BMAL1: variants seen among roughly 807,000 people sequenced by gnomAD.
BMAL1 encodes basic helix-loop-helix ARNT-like protein 1.
chr11:13,346,147 C>T, the BMAL1 span, among the ~76,000 whole-genome samples: 1 of 152,240 alleles, frequency 6.6e-6, no homozygotes, highest in Admixed American at 6.5e-5. Context: ...AGGAAATTGA[C>T]AGTCATGGGC....
At chr11:13,336,764 C>T in the BMAL1 span, among the ~76,000 whole-genome samples, 3 of 152,188 alleles carry the variant, frequency 2.0e-5, no homozygotes, top group Non-Finnish European at 2.9e-5. Context: ...AAGGCAAACA[C>T]GAACTGTGAA....
At chr11:13,318,464 T>C in the BMAL1 span, among the ~76,000 whole-genome samples, 1 of 151,812 alleles carries the variant, frequency 6.6e-6, no homozygotes, top group South Asian at 2.1e-4. Flanking sequence ...TAGCTGCTAT[T>C]GAAGGGGGGT....
the BMAL1 span, among the ~76,000 whole-genome samples, chr11:13,346,201 G>T: frequency 6.6e-6 from 1 of 152,338 alleles, no homozygotes; most frequent in South Asian, 2.1e-4. Context: ...GAAAGTTGTG[G>T]CTGTCACTTC....
chr11:13,366,604 G>A, the BMAL1 span: 1 of 1,420,126 alleles, frequency 7.0e-7, no homozygotes, highest in Non-Finnish European at 9.9e-7. Context: ...ATGCTTACTT[G>A]TTGCATAATT....
At chr11:13,330,554 CCATT>C in the BMAL1 span, among the ~76,000 whole-genome samples, 1 of 152,230 alleles carries the variant, frequency 6.6e-6, no homozygotes, top group African/African-American at 2.4e-5. Context: ...AATCAACCAT[CCATT>C]CAATCTGTGA....
the BMAL1 span, among the ~76,000 whole-genome samples, chr11:13,334,339 C>G: frequency 6.6e-6 from 1 of 152,182 alleles, no homozygotes; most frequent in Non-Finnish European, 1.5e-5. Context: ...TGCAAGAAAT[C>G]ATTAGACAGG....
chr11:13,296,516 G>C, the BMAL1 span, among the ~76,000 whole-genome samples: 1 of 152,324 alleles, frequency 6.6e-6, no homozygotes, highest in Non-Finnish European at 1.5e-5. Flanking sequence ...TCTTGGGAAA[G>C]GGGAGCTTAT....
chr11:13,365,676 A>G, the BMAL1 span: 1 of 1,104,966 alleles, frequency 9.1e-7, no homozygotes. Context: ...ATTATAGTAT[A>G]CAAGTCACAT....
the BMAL1 span, chr11:13,369,841 C>T: frequency 1.5e-5 from 23 of 1,547,386 alleles, no homozygotes; most frequent in East Asian, 9.1e-5. Context: ...CTCAGCTGGG[C>T]GTTGGTTCCA....
the BMAL1 span, among the ~76,000 whole-genome samples, chr11:13,278,947 A>G: frequency 2.6e-5 from 4 of 152,162 alleles, no homozygotes; most frequent in African/African-American, 7.2e-5. Context: ...AGGGGTCGCG[A>G]GAGCCGGCAG....
the BMAL1 span, among the ~76,000 whole-genome samples, chr11:13,289,781 A>G: frequency 3.9e-5 from 6 of 152,218 alleles, no homozygotes; most frequent in Admixed American, 3.3e-4. Flanking sequence ...CCAGTCTGTC[A>G]TTGATGGACA....
At chr11:13,329,645 C>G in the BMAL1 span, among the ~76,000 whole-genome samples, 1 of 152,248 alleles carries the variant, frequency 6.6e-6, no homozygotes, top group Non-Finnish European at 1.5e-5. Context: ...TGATTCTCTG[C>G]ATGCAGTTCT....
the BMAL1 span, among the ~76,000 whole-genome samples, chr11:13,384,927 T>C: frequency 6.6e-6 from 1 of 152,178 alleles, no homozygotes; most frequent in Admixed American, 6.5e-5. Context: ...CAATGATTTT[T>C]TTAAGAGTGT....
the BMAL1 span, among the ~76,000 whole-genome samples, chr11:13,359,820 A>G: frequency 6.6e-6 from 1 of 152,202 alleles, no homozygotes; most frequent in Admixed American, 6.5e-5. Context: ...GAAGCAATGC[A>G]TTCCTCCACA....
the BMAL1 span, among the ~76,000 whole-genome samples, chr11:13,326,876 G>A: frequency 6.6e-6 from 1 of 151,952 alleles, no homozygotes; most frequent in Non-Finnish European, 1.5e-5. Context: ...CTGGAGTGCA[G>A]TGGTGCGATC....
At chr11:13,365,000 T>G in the BMAL1 span, among the ~76,000 whole-genome samples, 2 of 152,062 alleles carry the variant, frequency 1.3e-5, no homozygotes, top group African/African-American at 4.8e-5. Flanking sequence ...CAAAAAACAC[T>G]GCTCCGAATG....
At chr11:13,284,262 ATATAT>A in the BMAL1 span, among the ~76,000 whole-genome samples, 386 of 64,456 alleles carry the variant, frequency 6.0e-3, 47 homozygotes, top group African/African-American at 0.042. Context: ...ATATATATAT[ATATAT>A]TTTTTTTTTT....
At chr11:13,386,870 A>G in the BMAL1 span, 3 of 1,280,652 alleles carry the variant, frequency 2.3e-6, no homozygotes, top group Non-Finnish European at 3.2e-6. Flanking sequence ...TACTGACTTC[A>G]TAAAAGCCAT....
chr11:13,308,036 T>A, the BMAL1 span, among the ~76,000 whole-genome samples: 1 of 152,018 alleles, frequency 6.6e-6, no homozygotes, highest in South Asian at 2.1e-4. Flanking sequence ...AGGGCACCAA[T>A]TAGGAGACTG....
Sources: allele counts gnomAD v4.1 joint callset (sites outside exome capture counted in the v4.1 genomes callset), GRCh38; gene constraint gnomAD v4.1.1; transcripts MANE v1.5; gene names NCBI Gene and HGNC (gene_info 2026-07-23, HGNC 2026-07-21).